PDE4D: variants seen among roughly 807,000 people sequenced by gnomAD.
PDE4D encodes the protein phosphodiesterase 4D, also known as 3',5'-cyclic-AMP phosphodiesterase 4D.
In PDE4D, 24 loss-of-function variants were observed where a neutral mutation model predicts 87.4. That is an observed-to-expected ratio of 0.27 (90% CI 0.20 to 0.39). The LOEUF is 0.39. Ranked by LOEUF, PDE4D falls within the 10% of genes least tolerant of loss-of-function variation. The probability of loss-of-function intolerance (pLI) is 1.00; values close to 1 mark genes in which losing one functional copy is unlikely to be tolerated. For missense variants in PDE4D, 714 were observed against 1,041.0 expected (o/e 0.69, Z 4.32); for synonymous variants, 384 against 383.2 (o/e 1.00, Z -0.02).
intron 1 of PDE4D, among the ~76,000 whole-genome samples, chr5:60,373,474 CAAT>C (rs1483150883): frequency 3.3e-5 from 5 of 152,114 alleles, no homozygotes; most frequent in African/African-American, 1.2e-4. Context: ...TTATTGAACT[CAAT>C]GATGACTTGC....
chr5:60,083,331 A>T lies in PDE4D; in HGVS notation c.43-94614T>A, dbSNP rs139454468. ...GCACTGTATATGACATGAATTACACATTTGACAAGCTATATTGAGTAGCAA... is the reference window on the plus strand; with the variant it reads ...GCACTGTATATGACATGAATTACACTTTTGACAAGCTATATTGAGTAGCAA... On this transcript the variant is annotated intron_variant, in intron 2 of 16. Transcript: ENST00000502484. 3.7e-3 allele frequency among the ~76,000 whole-genome samples: 566 copies of T among 152,350 alleles called. 1 individual carries two copies. The highest frequency in any genetic ancestry group is 6.2e-3 in the Non-Finnish European group (421 of 68,032).
rs190220534 is a variant in PDE4D, at chr5:59,928,840, C to A, written c.272+59648G>T. 3.7e-3 allele frequency among the ~76,000 whole-genome samples: 550 copies of A among 149,898 alleles called. 1 individual carries two copies. The highest frequency in any genetic ancestry group is 0.011 in the Middle Eastern group (3 of 280). On this transcript the variant is annotated intron_variant, in intron 3 of 16. Transcript: ENST00000502484. Reference sequence around the variant, plus strand: ...CTCCATTTCTATATATTAGAAATTTCTATATATTAGAAATTTCTATATATT... The same window carrying A: ...CTCCATTTCTATATATTAGAAATTTATATATATTAGAAATTTCTATATATT...
intron 1 of PDE4D, among the ~76,000 whole-genome samples, chr5:59,505,782 C>T (rs1040274474): frequency 2.0e-5 from 3 of 152,182 alleles, no homozygotes; most frequent in African/African-American, 7.2e-5. Context: ...AAGCTTTTTG[C>T]TTCCTGATAA....
intron 1 of PDE4D, among the ~76,000 whole-genome samples, chr5:59,865,928 T>C (rs1316089259): frequency 3.3e-5 from 5 of 152,242 alleles, no homozygotes; most frequent in Non-Finnish European, 7.3e-5. Context: ...TGACAGGTGA[T>C]TGCTGCTAGA....
intron 1 of PDE4D, among the ~76,000 whole-genome samples, chr5:59,342,728 T>C (rs977414489): frequency 1.3e-5 from 2 of 152,100 alleles, no homozygotes; most frequent in African/African-American, 2.4e-5. Context: ...CTCATTCTTG[T>C]AACCCCAGAA....
At chr5:59,065,350 G>A (rs924068041) in intron 5 of PDE4D, among the ~76,000 whole-genome samples, 5 of 152,104 alleles carry the variant, frequency 3.3e-5, no homozygotes, top group Non-Finnish European at 7.4e-5. Context: ...ATTGGTAGAT[G>A]TGGTCAAGGG....
At chr5:60,144,584 T>C (rs1780835477) in intron 2 of PDE4D, among the ~76,000 whole-genome samples, 1 of 152,216 alleles carries the variant, frequency 6.6e-6, no homozygotes, top group African/African-American at 2.4e-5. Flanking sequence ...TTCATTCATT[T>C]TATTACTTTT....
intron 1 of PDE4D, among the ~76,000 whole-genome samples, chr5:59,505,844 C>T (rs1012585917): frequency 6.6e-6 from 1 of 152,086 alleles, no homozygotes; most frequent in Admixed American, 6.6e-5. Context: ...GAAAGAAGCA[C>T]ATTTTTTTTT....
At chr5:59,883,926 T>A (rs1035731872) in intron 1 of PDE4D, among the ~76,000 whole-genome samples, 1 of 152,044 alleles carries the variant, frequency 6.6e-6, no homozygotes, top group African/African-American at 2.4e-5. Flanking sequence ...AATCCTTTGC[T>A]TTTTTTGGGG....
At chr5:60,098,729 C>T (rs1331502047) in intron 2 of PDE4D, among the ~76,000 whole-genome samples, 1 of 152,026 alleles carries the variant, frequency 6.6e-6, no homozygotes, top group Non-Finnish European at 1.5e-5. Flanking sequence ...GACAATTTAA[C>T]TTCTTCCTTT....
At chr5:60,513,755 T>C (rs1445764966) in intron 1 of PDE4D, among the ~76,000 whole-genome samples, 1 of 151,878 alleles carries the variant, frequency 6.6e-6, no homozygotes, top group Non-Finnish European at 1.5e-5. Flanking sequence ...AAAACAGATA[T>C]TGGAAAACAT....
chr5:60,104,126 C>A (rs548780876), intron 2 of PDE4D, among the ~76,000 whole-genome samples: 13 of 152,308 alleles, frequency 8.5e-5, no homozygotes, highest in African/African-American at 2.9e-4. Flanking sequence ...GGGTGACAGA[C>A]AATACCTGGA....
chr5:60,168,576 A>G (rs893478402), intron 2 of PDE4D, among the ~76,000 whole-genome samples: 9 of 152,174 alleles, frequency 5.9e-5, no homozygotes, highest in African/African-American at 1.4e-4. Flanking sequence ...TGGTTTCACA[A>G]CTTCCAGTGA....
chr5:60,420,556 C>T (rs1742998244), intron 1 of PDE4D, among the ~76,000 whole-genome samples: 1 of 152,116 alleles, frequency 6.6e-6, no homozygotes. Flanking sequence ...TAAAAAATCA[C>T]CAGATAAAGA....
chr5:59,213,226 A>G (rs555755828), intron 2 of PDE4D, among the ~76,000 whole-genome samples: 2 of 149,906 alleles, frequency 1.3e-5, no homozygotes, highest in African/African-American at 5.0e-5. Context: ...CTGCAGTGGC[A>G]TGATCGTAGC....
At chr5:60,270,004 TGAA>T (rs1750648697) in intron 1 of PDE4D, among the ~76,000 whole-genome samples, 1 of 152,200 alleles carries the variant, frequency 6.6e-6, no homozygotes, top group Non-Finnish European at 1.5e-5. Flanking sequence ...ACAGTGAGAC[TGAA>T]CATGAAGGTC....
chr5:59,055,448 C>T (rs186060740), intron 5 of PDE4D, among the ~76,000 whole-genome samples: 1 of 152,274 alleles, frequency 6.6e-6, no homozygotes, highest in East Asian at 1.9e-4. Context: ...GACTTGTCTG[C>T]CCCCATTATT....
chr5:60,081,062 T>C (rs4289529), intron 2 of PDE4D, among the ~76,000 whole-genome samples: 75,245 of 151,714 alleles, frequency 0.5, 19,124 homozygotes, highest in East Asian at 0.83. Context: ...TTAGAGACTG[T>C]TATTGGTCTA....
chr5:60,092,527 G>A (rs1775242238), intron 2 of PDE4D, among the ~76,000 whole-genome samples: 2 of 151,834 alleles, frequency 1.3e-5, no homozygotes, highest in African/African-American at 2.4e-5. Flanking sequence ...TTGTATACAT[G>A]TATAAAAATA....
Sources: gnomAD v4.1 joint callset for allele counts (sites outside exome capture counted in the v4.1 genomes callset) on GRCh38, gnomAD v4.1.1 for gene constraint, MANE v1.5 for transcripts, NCBI Gene and HGNC (gene_info 2026-07-23, HGNC 2026-07-21) for gene names.